SNAPC5: variants seen among roughly 807,000 people sequenced by gnomAD.
SNAPC5 encodes the protein snRNA-activating protein complex subunit 5.
A neutral mutation model predicts 9.1 loss-of-function variants in SNAPC5; 12 were observed. The observed-to-expected ratio is 1.32, with a 90% CI of 0.85 to 2.15. The LOEUF (loss-of-function observed/expected upper bound fraction) is 2.15, where lower values mean the gene tolerates loss of function less well. Among genes scored for constraint, SNAPC5 ranks in the 30% most tolerant of loss-of-function variants. The probability of loss-of-function intolerance (pLI) is 0.00; values close to 1 mark genes in which losing one functional copy is unlikely to be tolerated. For missense variants in SNAPC5, 132 were observed against 114.4 expected (o/e 1.15, Z -0.70); for synonymous variants, 52 against 47.3 (o/e 1.10, Z -0.41).
chr15:66,490,716 A>AC (rs778371173), downstream of SNAPC5: 1 of 828,898 alleles, frequency 1.2e-6, no homozygotes, highest in South Asian at 1.4e-5. Context: ...TGTGCATTTC[A>AC]CCTGTGACAA....
intron 2 of SNAPC5, among the ~76,000 whole-genome samples, 171 bp from the exon 3 acceptor site, chr15:66,494,723 G>T (rs1470264625): frequency 1.3e-5 from 2 of 152,096 alleles, no homozygotes; most frequent in Non-Finnish European, 2.9e-5. Context: ...ACCAAAATGG[G>T]GCAACAGTAA....
intron 2 of SNAPC5, chr15:66,495,082 C>G (rs779540262): frequency 1.6e-5 from 8 of 515,110 alleles, no homozygotes; most frequent in Non-Finnish European, 2.5e-5. Flanking sequence ...AGTAACTAGA[C>G]AGAATGGATG....
At chr15:66,494,653 AT>A in intron 2 of SNAPC5, 101 bp from the exon 3 acceptor site, 1 of 816,358 alleles carries the variant, frequency 1.2e-6, no homozygotes, top group Non-Finnish European at 2.1e-6. Context: ...TTGCATATCT[AT>A]CCCCAGTACT....
intron 1 of SNAPC5, among the ~76,000 whole-genome samples, chr15:66,497,212 T>C (rs1893466113): frequency 6.6e-6 from 1 of 152,196 alleles, no homozygotes; most frequent in East Asian, 1.9e-4. Context: ...GAGTTCCTTC[T>C]GGCTTGGCAA....
chr15:66,491,550 G>T, downstream of SNAPC5: 1 of 186,890 alleles, frequency 5.4e-6, no homozygotes, highest in Non-Finnish European at 1.1e-5. Context: ...AGCTACTTTT[G>T]CTTTTGTGGT....
Position 66,495,561 on chromosome 15 carries a change from A to C in SNAPC5, c.91-142T>G, listed in dbSNP as rs1893400254. The C allele has an allele frequency of 3.7e-5, 23 of 623,802 alleles. No homozygotes were observed. The South Asian group carries it at 3.9e-4, about 11-fold the overall frequency. 38.6% of individuals were successfully genotyped at this position (623,802 alleles called of 1,614,324 possible). A position where few individuals can be genotyped will look rare whatever the true frequency, so the allele number is the denominator to read the frequency against. On this transcript the variant is annotated intron_variant, in intron 1 of 2. Coordinates refer to ENST00000316634, the MANE Select transcript of SNAPC5 (RefSeq NM_001329615.2). ...CTGTGTTGCTCTAGAGGGAAAGTTG[A>C]GGGGGTAGGCTCTTAGGTTTTCTCT...
intron 2 of SNAPC5, chr15:66,495,047 C>A: frequency 2.3e-6 from 1 of 442,198 alleles, no homozygotes; most frequent in Non-Finnish European, 4.1e-6. Context: ...CTACAAAAAT[C>A]TCCACTCTCC....
At chr15:66,490,638 C>T (rs376181437), downstream of SNAPC5, 23 of 1,578,234 alleles carry the variant, frequency 1.5e-5, no homozygotes, top group Admixed American at 6.7e-5. Flanking sequence ...CAACAAAGAG[C>T]GAGTCCCCTG....
At chr15:66,496,498 G>T (rs1022283210) in intron 1 of SNAPC5, among the ~76,000 whole-genome samples, 1 of 151,692 alleles carries the variant, frequency 6.6e-6, no homozygotes, top group African/African-American at 2.4e-5. Context: ...TGCTGAGCAG[G>T]GATTAGCATA....
rs551596192 is a variant in SNAPC5, at chr15:66,494,504, C to G, written c.229G>C (p.Glu77Gln). ...GTCACATGACTCTTTGTGCTCAGCT[C>G]CAGGGTTGTTTGGTTGATTGATGCT... ...NEASINQTTL[E>Q]LSTKSHVTEE... is the part of the protein sequence containing the mutation. The change falls in exon 3 of 3, where the codon GAG becomes CAG. Residue 77 changes from glutamate (E) to glutamine (Q), a missense_variant. Transcript: ENST00000316634. 1.2e-6 allele frequency: 2 copies of G among 1,614,052 alleles called. No homozygotes were observed. Among genetic ancestry groups the G allele is most frequent in the East Asian group, 4.5e-5 (2 of 44,884 alleles).
In SNAPC5 at chr15:66,494,229, A is replaced by G; in HGVS notation, c.*207T>C. On this transcript the variant is annotated 3_prime_UTR_variant, in exon 3 of 3. Transcript: ENST00000316634. ...CCCATATTACTCAATGCTAAGACAC[A>G]GCATCTTTGATTTTCTGTATGTCAT... The G allele has an allele frequency of 3.3e-6, 2 of 603,222 alleles. No individual in the cohort carries two copies. The highest frequency in any genetic ancestry group is 1.9e-5 in the South Asian group (1 of 52,232). 37.4% of individuals were successfully genotyped at this position (603,222 alleles called of 1,614,324 possible).
chr15:66,496,290 AC>A (rs552732590), intron 1 of SNAPC5, among the ~76,000 whole-genome samples: 156 of 152,130 alleles, frequency 1.0e-3, no homozygotes, highest in South Asian at 6.0e-3. Context: ...ACATGGTGAA[AC>A]CCCGTCTCTA....
At chr15:66,492,892 A>G (rs1893302679), downstream of SNAPC5, among the ~76,000 whole-genome samples, 1 of 152,166 alleles carries the variant, frequency 6.6e-6, no homozygotes, top group Non-Finnish European at 1.5e-5. Flanking sequence ...TGAGTTGCAA[A>G]GAGGTGAGAA....
At chr15:66,491,232 G>A (rs1893247700), downstream of SNAPC5, 2 of 244,030 alleles carry the variant, frequency 8.2e-6, no homozygotes, top group African/African-American at 4.4e-5. Flanking sequence ...CTACTGTGGT[G>A]ATCTGTAGAC....
At chr15:66,497,552 G>C in intron 1 of SNAPC5, 90 bp downstream of exon 1, 1 of 1,124,930 alleles carries the variant, frequency 8.9e-7, no homozygotes, top group Non-Finnish European at 1.4e-6. Context: ...AGAACTGGCC[G>C]CAGCAGGTGG....
Position 66,494,552 on chromosome 15 carries a change from T to A in SNAPC5, c.181A>T (p.Met61Leu), listed in dbSNP as rs1893365271. 6.2e-7 allele frequency: 1 copy of A among 1,609,162 alleles called. No homozygotes were observed. Among genetic ancestry groups the A allele is most frequent in the Non-Finnish European group, 8.5e-7 (1 of 1,175,742 alleles). ...GCTTCATTGTCTACATGCACCAACA[T>A]CTGTATTGGCCAAGGGCATCACAGA... ...SHTVPEQSHD[M>L]LVHVDNEASI... is the part of the protein sequence containing the mutation. Residue 61 changes from methionine to leucine, a missense_variant and splice_region_variant, in exon 3 of 3, where the codon ATG becomes TTG. Coordinates refer to ENST00000316634, the MANE Select transcript of SNAPC5 (RefSeq NM_001329615.2).
At chr15:66,490,847 T>C (rs1893233370), downstream of SNAPC5, 1 of 593,262 alleles carries the variant, frequency 1.7e-6, no homozygotes, top group African/African-American at 1.8e-5. Flanking sequence ...GGGCTATTTG[T>C]GTGTATGCTG....
Position 66,494,460 on chromosome 15 carries a change from T to TTCCTCC in SNAPC5, c.267_272dup (p.Glu94_Glu95dup), listed in dbSNP as rs749272921. ...TTTAGGAATCTGATTCTTCTTCCTC[T>TTCCTCC]TCCTCCTCCTCCTCTTCCGTCACAT... On this transcript the variant is annotated inframe_insertion, in exon 3 of 3. Transcript: ENST00000316634. 5.0e-6 allele frequency: 8 copies of TTCCTCC among 1,612,340 alleles called. No homozygotes were observed. The highest frequency in any genetic ancestry group is 6.8e-6 in the Non-Finnish European group (8 of 1,179,106).
chr15:66,491,637 G>A, downstream of SNAPC5: 1 of 212,570 alleles, frequency 4.7e-6, no homozygotes, highest in Middle Eastern at 1.7e-3. Context: ...AGGTGAAGAT[G>A]AGGAGGAGGC....
Sources: allele counts gnomAD v4.1 joint callset (sites outside exome capture counted in the v4.1 genomes callset), GRCh38; gene constraint gnomAD v4.1.1; transcripts MANE v1.5; gene names NCBI Gene and HGNC (gene_info 2026-07-23, HGNC 2026-07-21).